EYS: variants seen among roughly 807,000 people sequenced by gnomAD.
EYS encodes the protein protein eyes shut homolog.
In EYS, 250 loss-of-function variants were observed where a neutral mutation model predicts 282.1. The observed-to-expected ratio is 0.89, with a 90% confidence interval of 0.80 to 0.98. The LOEUF (loss-of-function observed/expected upper bound fraction) is 0.98. EYS is among the 50% of genes least tolerant of loss of function. EYS has a pLI of 0.00. For missense variants in EYS, 4,016 were observed against 3,709.0 expected (o/e 1.08, Z -2.15); for synonymous variants, 1,355 against 1,282.9 (o/e 1.06, Z -1.20).
At chr6:63,863,675 CTT>C (rs1284326554) in intron 36 of EYS, among the ~76,000 whole-genome samples, 10 of 60,042 alleles carry the variant, frequency 1.7e-4, no homozygotes, top group African/African-American at 2.8e-4. Flanking sequence ...TTTCTTTTTT[CTT>C]TTTTTTTTTT....
intron 1 of EYS, among the ~76,000 whole-genome samples, chr6:65,679,460 T>C (rs989557527): frequency 2.0e-4 from 31 of 151,952 alleles, no homozygotes; most frequent in African/African-American, 6.5e-4. Flanking sequence ...TACTGCATGA[T>C]TCCACTTTTA....
intron 12 of EYS, among the ~76,000 whole-genome samples, chr6:65,133,328 C>G (rs1456495146): frequency 1.3e-5 from 2 of 151,346 alleles, no homozygotes. Flanking sequence ...AAGCAAACAA[C>G]AACAAAAAAA....
chr6:64,729,711 A>G (rs531058033), intron 22 of EYS, among the ~76,000 whole-genome samples: 1 of 152,192 alleles, frequency 6.6e-6, no homozygotes, highest in Non-Finnish European at 1.5e-5. Context: ...AAAAACCGCA[A>G]TAACTTTTGC....
At chr6:63,946,594 T>C (rs1027106073) in intron 35 of EYS, among the ~76,000 whole-genome samples, 22 of 152,146 alleles carry the variant, frequency 1.4e-4, no homozygotes, top group Admixed American at 6.6e-4. Context: ...AAGTAAGGTG[T>C]ACTGGTTTAC....
chr6:65,496,793 C>T (rs1766272956), intron 2 of EYS, among the ~76,000 whole-genome samples: 1 of 151,978 alleles, frequency 6.6e-6, no homozygotes, highest in South Asian at 2.1e-4. Context: ...GCATTTTCTA[C>T]TGTACTATAA....
chr6:64,573,964 GAC>G (rs754185294), intron 26 of EYS, among the ~76,000 whole-genome samples: 12 of 151,844 alleles, frequency 7.9e-5, no homozygotes, highest in Non-Finnish European at 1.5e-4. Flanking sequence ...CTACTATAAA[GAC>G]ACATACACAT....
In EYS at chr6:64,262,617, T is replaced by C. The variant is rs181875266; in HGVS notation, c.6192-31793A>G. Among the ~76,000 whole-genome samples, 713 of 152,134 alleles carry C rather than the reference T, an allele frequency of 4.7e-3. 1 individual carries two copies. Among genetic ancestry groups the C allele is most frequent in the Non-Finnish European group, 7.0e-3 (479 of 67,976 alleles). Reference sequence around the variant, plus strand: ...CCTCCCACTCAACCCCCTGGTGAGCTTCCTTTTTGCTTTGCTGGCTTTTCT... The same window carrying C: ...CCTCCCACTCAACCCCCTGGTGAGCCTCCTTTTTGCTTTGCTGGCTTTTCT... On this transcript the variant is annotated intron_variant, in intron 30 of 42. Transcript: ENST00000503581.
At chr6:64,999,587 C>T (rs1282914314) in intron 13 of EYS, among the ~76,000 whole-genome samples, 5 of 152,172 alleles carry the variant, frequency 3.3e-5, no homozygotes, top group Admixed American at 3.3e-4. Flanking sequence ...CCACCCTGTC[C>T]CACCCTGCCC....
intron 35 of EYS, among the ~76,000 whole-genome samples, chr6:63,961,305 T>C (rs542381883): frequency 1.3e-5 from 2 of 152,138 alleles, no homozygotes; most frequent in Non-Finnish European, 2.9e-5. Flanking sequence ...AGTGGCCAGT[T>C]CCTGCCTTAA....
At chr6:65,335,262 GGT>G (rs1769945306) in intron 10 of EYS, 116 bp from the exon 11 acceptor site, 10 of 782,816 alleles carry the variant, frequency 1.3e-5, no homozygotes, top group Non-Finnish European at 2.0e-5. Context: ...TGAAACCTAG[GGT>G]TAAGGAAACA....
chr6:63,842,845 A>T (rs1012814170), intron 36 of EYS, among the ~76,000 whole-genome samples: 1 of 152,178 alleles, frequency 6.6e-6, no homozygotes, highest in African/African-American at 2.4e-5. Flanking sequence ...TTTTCCCAAC[A>T]CCATTTATTA....
chr6:64,269,454 G>A (rs1419363722), intron 30 of EYS, among the ~76,000 whole-genome samples: 1 of 151,698 alleles, frequency 6.6e-6, no homozygotes, highest in African/African-American at 2.4e-5. Context: ...CTCTAGAAGG[G>A]AAAAGATAGT....
intron 8 of EYS, among the ~76,000 whole-genome samples, chr6:65,368,068 C>T (rs1764982292): frequency 6.6e-6 from 1 of 151,492 alleles, no homozygotes; most frequent in African/African-American, 2.4e-5. Flanking sequence ...TCCTTTTTCA[C>T]ATGGCAGCAG....
chr6:64,342,762 A>G (rs1419774341), intron 29 of EYS, among the ~76,000 whole-genome samples: 1 of 150,886 alleles, frequency 6.6e-6, no homozygotes, highest in Non-Finnish European at 1.5e-5. Flanking sequence ...TTAAAAGGCA[A>G]ATTGGATAAA....
In EYS at chr6:65,550,314, T is replaced by C. The variant is rs556046772; in HGVS notation, c.-332-54321A>G. On this transcript the variant is annotated intron_variant, in intron 2 of 42. Transcript: ENST00000503581. The stretch of plus-strand genomic sequence containing the variant: ...CAAGATTGCTTTTTTTTTTTTTTTT[T>C]GCTTCTGAGAGTTGTTTTTTATTTA... 8.4e-4 allele frequency among the ~76,000 whole-genome samples: 37 copies of C among 44,236 alleles called. 8 individuals carry two copies. Among genetic ancestry groups the C allele is most frequent in the Non-Finnish European group, 1.2e-3 (35 of 29,404 alleles). The allele number at this position is 44,236 out of a possible 152,430, so 29.0% of individuals were successfully genotyped here.
At chr6:65,060,338 C>G (rs1194570428) in intron 12 of EYS, among the ~76,000 whole-genome samples, 2 of 151,644 alleles carry the variant, frequency 1.3e-5, no homozygotes, top group Non-Finnish European at 2.9e-5. Context: ...AATACGTATA[C>G]ACCCATAGGG....
In EYS at chr6:63,721,567, A is replaced by G; in HGVS notation, c.8464T>C (p.Tyr2822His). ...TTTAAAGAAGATACTCCTCCAATAT[A>G]GAAGTCTGTATTTGTGTCCAGAGAA... ...MSSLDTNTDF[Y>H]IGGVSSLNLV... is the part of the protein sequence containing the mutation. Residue 2822 changes from tyrosine (Y) to histidine (H), a missense_variant, in exon 43 of 43, where the codon TAT becomes CAT. Physicochemically the swap from Tyr to His is moderately conservative, Grantham distance 83. Coordinates refer to ENST00000503581, the MANE Select transcript of EYS (RefSeq NM_001142800.2). The G allele has an allele frequency of 7.7e-6, 12 of 1,551,792 alleles. No individual in the cohort carries two copies. The highest frequency in any genetic ancestry group is 1.0e-5 in the Non-Finnish European group (12 of 1,146,884).
At chr6:65,299,991 T>C (rs1378521466) in intron 11 of EYS, among the ~76,000 whole-genome samples, 1 of 152,230 alleles carries the variant, frequency 6.6e-6, no homozygotes, top group African/African-American at 2.4e-5. Flanking sequence ...TAATTATGTG[T>C]TTAGTGATAT....
intron 40 of EYS, among the ~76,000 whole-genome samples, chr6:63,767,872 CAG>C (rs1769834822): frequency 6.6e-6 from 1 of 152,068 alleles, no homozygotes; most frequent in South Asian, 2.1e-4. Flanking sequence ...GGTGCAGAAA[CAG>C]ACACACAGAC....
Sources: gnomAD v4.1 joint callset for allele counts (sites outside exome capture counted in the v4.1 genomes callset) on GRCh38, gnomAD v4.1.1 for gene constraint, MANE v1.5 for transcripts, NCBI Gene and HGNC (gene_info 2026-07-23, HGNC 2026-07-21) for gene names.